STPG2: variants seen among roughly 807,000 people sequenced by gnomAD.
STPG2 encodes the protein sperm tail PG-rich repeat containing 2.
In STPG2, 56 loss-of-function variants were observed where a neutral mutation model predicts 54.2. That is an observed-to-expected ratio of 1.03 (90% CI 0.83 to 1.29). STPG2 has a LOEUF of 1.29. Among genes scored for constraint, STPG2 ranks in the 50% most tolerant of loss-of-function variants. STPG2 has a pLI of 0.00. For synonymous variants in STPG2, 200 were observed against 181.8 expected (o/e 1.10, Z -0.81); for missense variants, 596 against 544.9 (o/e 1.09, Z -0.93).
intron 10 of STPG2, among the ~76,000 whole-genome samples, chr4:97,571,633 C>T (rs1455267480): frequency 1.3e-5 from 2 of 152,084 alleles, no homozygotes; most frequent in African/African-American, 4.8e-5. Flanking sequence ...TTACCTGTAG[C>T]CTGGAAGTCC....
intron 4 of STPG2, among the ~76,000 whole-genome samples, chr4:97,527,634 A>G (rs1415208113): frequency 6.6e-6 from 1 of 152,098 alleles, no homozygotes; most frequent in East Asian, 1.9e-4. Context: ...AATTGTTCCT[A>G]TTTATTCACA....
intron 8 of STPG2, among the ~76,000 whole-genome samples, chr4:97,858,070 A>T (rs1729389893): frequency 6.6e-6 from 1 of 152,174 alleles, no homozygotes; most frequent in South Asian, 2.1e-4. Flanking sequence ...AAACGGGCAA[A>T]TCTAAGAGTT....
intron 9 of STPG2, among the ~76,000 whole-genome samples, chr4:97,788,715 C>T (rs1315662318): frequency 6.6e-6 from 1 of 152,042 alleles, no homozygotes; most frequent in East Asian, 1.9e-4. Context: ...GTTCCCTTTT[C>T]TCTATATCCT....
intron 8 of STPG2, among the ~76,000 whole-genome samples, chr4:97,871,063 A>G (rs1376422855): frequency 6.6e-6 from 1 of 151,170 alleles, no homozygotes; most frequent in African/African-American, 2.4e-5. Context: ...AATACTAAAT[A>G]GCTCGAGTGA....
intron 10 of STPG2, among the ~76,000 whole-genome samples, chr4:97,655,534 A>G (rs897035697): frequency 1.3e-5 from 2 of 152,036 alleles, no homozygotes; most frequent in African/African-American, 4.8e-5. Flanking sequence ...TTTCATTACT[A>G]TTTTGGATGA....
intron 3 of STPG2, 126 bp from the exon 4 acceptor site, chr4:98,109,431 TAA>T: frequency 1.5e-6 from 1 of 657,662 alleles, no homozygotes; most frequent in East Asian, 2.8e-5. Context: ...GTTCCACTGG[TAA>T]ATGCTAAAGT....
chr4:98,082,433 C>CTTTTTTTTTTTTTTTTTT, intron 5 of STPG2, among the ~76,000 whole-genome samples: 1 of 71,402 alleles, frequency 1.4e-5, no homozygotes, highest in Non-Finnish European at 2.7e-5. Flanking sequence ...TGCAGGTCCA[C>CTTTTTTTTTTTTTTTTTT]TTTTTTTTTT....
intron 8 of STPG2, among the ~76,000 whole-genome samples, chr4:97,931,590 T>C (rs927111098): frequency 6.6e-6 from 1 of 152,200 alleles, no homozygotes; most frequent in African/African-American, 2.4e-5. Flanking sequence ...TTGCAAGTAT[T>C]TTGTTGAGGA....
At chr4:97,981,358 GTACATTTTGA>G in intron 5 of STPG2, 40 bp from the exon 6 acceptor site, 1 of 1,599,324 alleles carries the variant, frequency 6.3e-7, no homozygotes, top group South Asian at 1.1e-5. Flanking sequence ...AGAAAGTATA[GTACATTTTGA>G]TACTTCATGA....
chr4:97,596,442 C>T (rs1481402566), intron 10 of STPG2, among the ~76,000 whole-genome samples: 1 of 152,104 alleles, frequency 6.6e-6, no homozygotes, highest in Non-Finnish European at 1.5e-5. Context: ...AACTCTCTAC[C>T]CAAAACAACA....
chr4:97,981,207 G>A lies in STPG2; in HGVS notation c.724C>T (p.Gln242Ter). 6.2e-7 allele frequency: 1 copy of A among 1,613,938 alleles called. No homozygotes were observed. Among genetic ancestry groups the A allele is most frequent in the Non-Finnish European group, 8.5e-7 (1 of 1,179,942 alleles). Residue 242 changes from glutamine (Q) to a stop codon, truncating the protein, a stop_gained, in exon 6 of 11, where the codon CAA becomes TAA. Coordinates refer to ENST00000295268, the MANE Select transcript of STPG2 (RefSeq NM_174952.3). LOFTEE classifies it high-confidence loss of function. ...TSGLKNIPFG[Q>*]SAVRFTQDIR... ...TCCTGTGTGAATCGAACAGCACTTT[G>A]ACCAAATGGAATATTTTTCAGTCCT...
At chr4:97,754,388 A>C (rs1478624043) in intron 9 of STPG2, among the ~76,000 whole-genome samples, 1 of 152,148 alleles carries the variant, frequency 6.6e-6, no homozygotes, top group Non-Finnish European at 1.5e-5. Context: ...TGCTTTCCTC[A>C]GCATTTTTCT....
rs1247606803 is a variant in STPG2 at position 97,903,316 on chromosome 4, T to A, written c.1044+40581A>T. 2.0e-5 allele frequency among the ~76,000 whole-genome samples: 3 copies of A among 152,096 alleles called. No homozygotes were observed. In the East Asian group the frequency reaches 5.8e-4, roughly 29 times the overall value. On this transcript the variant is annotated intron_variant, in intron 8 of 10. Coordinates refer to ENST00000295268, the MANE Select transcript of STPG2 (RefSeq NM_174952.3). The stretch of plus-strand genomic sequence containing the variant: ...CAATGTATGTGCATATATGTGTGTA[T>A]CTCAAAACATCACATTGTACACTTT...
At chr4:97,667,446 C>A (rs936282348) in intron 10 of STPG2, among the ~76,000 whole-genome samples, 1 of 152,180 alleles carries the variant, frequency 6.6e-6, no homozygotes, top group African/African-American at 2.4e-5. Context: ...GAGGTTAAAA[C>A]AATTTGATTT....
At chr4:97,564,170 C>T (rs1047038491) in intron 10 of STPG2, among the ~76,000 whole-genome samples, 14 of 152,086 alleles carry the variant, frequency 9.2e-5, no homozygotes, top group Admixed American at 3.9e-4. Flanking sequence ...TTGAATTGAT[C>T]CCTTTACCAT....
At chr4:97,730,886 G>A (rs1380222108) in intron 9 of STPG2, among the ~76,000 whole-genome samples, 1 of 152,056 alleles carries the variant, frequency 6.6e-6, no homozygotes, top group Non-Finnish European at 1.5e-5. Flanking sequence ...TCTTAAAATG[G>A]CTGTGTTATC....
intron 4 of STPG2, among the ~76,000 whole-genome samples, chr4:97,444,321 T>C (rs975934191): frequency 1.3e-5 from 2 of 152,110 alleles, no homozygotes; most frequent in African/African-American, 2.4e-5. Context: ...CCAAGGAGAA[T>C]TGGGGCAGAA....
At chr4:97,899,992 C>G (rs929536948) in intron 8 of STPG2, among the ~76,000 whole-genome samples, 1 of 150,856 alleles carries the variant, frequency 6.6e-6, no homozygotes, top group East Asian at 1.9e-4. Flanking sequence ...AGACAACCTA[C>G]AGAATGGAAG....
intron 8 of STPG2, among the ~76,000 whole-genome samples, chr4:97,894,414 C>G (rs990567959): frequency 5.9e-5 from 9 of 151,924 alleles, no homozygotes; most frequent in Admixed American, 3.9e-4. Flanking sequence ...ACAAAAGCAA[C>G]TGCTTCTGCC....
Sources: allele counts gnomAD v4.1 joint callset (sites outside exome capture counted in the v4.1 genomes callset), GRCh38; gene constraint gnomAD v4.1.1; transcripts MANE v1.5; gene names NCBI Gene and HGNC (gene_info 2026-07-23, HGNC 2026-07-21).